ADA: variants seen among roughly 807,000 people sequenced by gnomAD.
ADA encodes the protein adenosine aminohydrolase.
Under a neutral mutation model 49.0 loss-of-function variants are expected in ADA, and 45 were observed. That is an observed-to-expected ratio of 0.92 (90% CI 0.72 to 1.18). The LOEUF (loss-of-function observed/expected upper bound fraction) is 1.18. Ranked by LOEUF, ADA falls within the 50% of genes most tolerant of loss-of-function variation. The probability of loss-of-function intolerance (pLI) is 0.00; values close to 1 mark genes in which losing one functional copy is unlikely to be tolerated. For missense variants in ADA, 445 were observed against 472.5 expected, an observed-to-expected ratio of 0.94 and a Z score of 0.54; for synonymous variants, 173 against 184.2, an observed-to-expected ratio of 0.94 and a Z score of 0.49.
chr20:44,626,446 C>T lies in ADA; in HGVS notation c.362+10G>A, dbSNP rs2065382653. On this transcript the variant is annotated intron_variant, in intron 4 of 11. Transcript: ENST00000372874. ...CCCTCAGCATGGCCCCTTCCAGGCC[C>T]ATCACTCACTCAGCCTGGTTCCAGG... 6.2e-7 allele frequency: 1 copy of T among 1,613,530 alleles called. No individual in the cohort carries two copies. Among genetic ancestry groups the T allele is most frequent in the African/African-American group, 1.3e-5 (1 of 74,916 alleles).
intron 10 of ADA, chr20:44,620,691 A>G (rs753215192): frequency 1.2e-5 from 7 of 563,308 alleles, no homozygotes; most frequent in Non-Finnish European, 2.2e-5. Context: ...GCAGGAATGG[A>G]CTTATTCAGC....
intron 1 of ADA, among the ~76,000 whole-genome samples, chr20:44,646,645 T>C (rs1165844928): frequency 6.6e-6 from 1 of 151,994 alleles, no homozygotes; most frequent in Non-Finnish European, 1.5e-5. Flanking sequence ...CACCCCATTT[T>C]ACAGAGGGGG....
At position 44,648,244 on chromosome 20, in the gene ADA, G is replaced by A. The variant is rs764966148; in HGVS notation, c.33+3331C>T. ...TTCCACTTCTTCCAGTGCCCAGCAG[G>A]TGCTAAGTCAAACCAGGTGGGGGTA... On this transcript the variant is annotated intron_variant, in intron 1 of 11. Coordinates refer to ENST00000372874, the MANE Select transcript of ADA (RefSeq NM_000022.4). 1.3e-3 allele frequency among the ~76,000 whole-genome samples: 203 copies of A among 152,168 alleles called. 3 individuals are homozygous for A. The highest frequency in any genetic ancestry group is 1.4e-3 in the Non-Finnish European group (98 of 68,024).
chr20:44,650,876 G>A (rs901504944), intron 1 of ADA, among the ~76,000 whole-genome samples: 3 of 152,190 alleles, frequency 2.0e-5, no homozygotes, highest in African/African-American at 7.2e-5. Context: ...CAGGCCAAGG[G>A]GGTCCAGACC....
At chr20:44,645,245 C>A (rs2065578785) in intron 1 of ADA, among the ~76,000 whole-genome samples, 1 of 151,316 alleles carries the variant, frequency 6.6e-6, no homozygotes, top group South Asian at 2.1e-4. Context: ...CAAGTCCCAG[C>A]TACTTGGGAG....
At chr20:44,622,776 C>A (rs1425199155) in intron 8 of ADA, 53 bp downstream of exon 8, 2 of 1,614,012 alleles carry the variant, frequency 1.2e-6, no homozygotes, top group Non-Finnish European at 1.7e-6. Context: ...CCTCTCTATA[C>A]AGGAAGTTGG....
At chr20:44,635,176 G>T (rs1347967669) in intron 2 of ADA, among the ~76,000 whole-genome samples, 1 of 152,200 alleles carries the variant, frequency 6.6e-6, no homozygotes, top group African/African-American at 2.4e-5. Context: ...AGCCCTTGAG[G>T]TCTGGGTAGG....
rs539175134 is a variant in ADA, at chr20:44,629,192, T to C, written c.96-23A>G. The C allele has an allele frequency of 2.0e-4, 320 of 1,614,110 alleles. 4 individuals carry two copies. In the South Asian group the frequency reaches 3.2e-3, roughly 16 times the overall value. On this transcript the variant is annotated intron_variant, in intron 2 of 11. Transcript: ENST00000372874. ...CTCCTGGAAACAAAACAGTGAGTGG[T>C]GGACCAACCCGGGGCAGGATCCAGG...
intron 1 of ADA, among the ~76,000 whole-genome samples, chr20:44,647,185 G>A (rs62207811): frequency 2.6e-5 from 4 of 151,888 alleles, no homozygotes; most frequent in African/African-American, 7.3e-5. Flanking sequence ...CTGTAATCCC[G>A]GCACTTTGGG....
chr20:44,631,542 T>C (rs1422629289), intron 2 of ADA, among the ~76,000 whole-genome samples: 2 of 152,128 alleles, frequency 1.3e-5, no homozygotes, highest in Non-Finnish European at 2.9e-5. Context: ...GAGATGACAC[T>C]AGGGCTCTGG....
At chr20:44,634,597 G>T (rs1276695851) in intron 2 of ADA, among the ~76,000 whole-genome samples, 3 of 152,226 alleles carry the variant, frequency 2.0e-5, no homozygotes, top group African/African-American at 7.2e-5. Context: ...CTTAACCCGG[G>T]TAACGCACTT....
chr20:44,630,008 T>A (rs1354189215), intron 2 of ADA, among the ~76,000 whole-genome samples: 3 of 151,786 alleles, frequency 2.0e-5, no homozygotes, highest in Non-Finnish European at 4.4e-5. Flanking sequence ...CCCCCCCTTT[T>A]TTTTTTAAGA....
At chr20:44,641,258 G>A (rs376477555) in intron 1 of ADA, among the ~76,000 whole-genome samples, 29 of 152,262 alleles carry the variant, frequency 1.9e-4, no homozygotes, top group Non-Finnish European at 3.8e-4. Flanking sequence ...AATCCTTGGT[G>A]GCAGGCCCAG....
intron 2 of ADA, 54 bp downstream of exon 2, chr20:44,636,173 G>T: frequency 2.0e-6 from 3 of 1,494,568 alleles, no homozygotes; most frequent in Non-Finnish European, 2.8e-6. Context: ...TCTGGGTGGA[G>T]CTGGGGACCC....
rs1013028412 is a variant in ADA, at chr20:44,622,723, C to T, written c.781-71G>A. ...CTGATTCCTCCCCCCATGTCTGGGC[C>T]TGGGGCCACCCCTCGAGTTCCTGGG... is the stretch of plus-strand genomic sequence containing the variant. On this transcript the variant is annotated intron_variant, in intron 8 of 11. Transcript: ENST00000372874. 5.6e-6 allele frequency: 9 copies of T among 1,612,982 alleles called. No individual in the cohort carries two copies. The Admixed American group carries it at 1.3e-4, about 24-fold the overall frequency.
At chr20:44,648,439 C>G (rs2065612846) in intron 1 of ADA, among the ~76,000 whole-genome samples, 1 of 152,090 alleles carries the variant, frequency 6.6e-6, no homozygotes, top group African/African-American at 2.4e-5. Flanking sequence ...CCACCCCATT[C>G]CCACGGGACA....
chr20:44,623,263 C>T (rs944701855), intron 6 of ADA, among the ~76,000 whole-genome samples, 185 bp from the exon 7 acceptor site: 2 of 152,222 alleles, frequency 1.3e-5, no homozygotes, highest in Non-Finnish European at 2.9e-5. Flanking sequence ...AGCCAGTTAC[C>T]ATGTGTCAGG....
rs941949110 is a variant in ADA, at chr20:44,629,265, T to C, written c.96-96A>G. The C allele has an allele frequency of 3.2e-6, 5 of 1,562,678 alleles. No homozygotes were observed. In the African/African-American group the frequency reaches 4.1e-5, roughly 13 times the overall value. ...AGCAGACTCAGGAGCGCCAGCCTCC[T>C]TGCAGGACCACAGCAGGAGACATGG... On this transcript the variant is annotated intron_variant, in intron 2 of 11. Transcript: ENST00000372874.
intron 8 of ADA, 58 bp from the exon 9 acceptor site, chr20:44,622,710 C>A: frequency 1.2e-6 from 2 of 1,613,444 alleles, no homozygotes; most frequent in Non-Finnish European, 1.7e-6. Flanking sequence ...GATTCCTCCC[C>A]CCATGTCTGG....
Sources: gnomAD v4.1 joint callset for allele counts (sites outside exome capture counted in the v4.1 genomes callset) on GRCh38, gnomAD v4.1.1 for gene constraint, MANE v1.5 for transcripts, NCBI Gene and HGNC (gene_info 2026-07-23, HGNC 2026-07-21) for gene names.